The following SPART variants were observed in gnomAD, a reference collection of about 807,000 sequenced individuals.
SPART encodes spastic paraplegia 20 (Troyer syndrome).
A neutral mutation model predicts 58.7 loss-of-function variants in SPART; 35 were observed. The ratio of observed to expected loss-of-function variants is 0.60; its 90% CI spans 0.46 to 0.79. The LOEUF (loss-of-function observed/expected upper bound fraction) is 0.79, where lower values mean the gene tolerates loss of function less well. Ranked by LOEUF, SPART falls within the 30% of genes least tolerant of loss-of-function variation. SPART has a pLI of 0.00. For missense variants in SPART, 730 were observed against 786.1 expected, an observed-to-expected ratio of 0.93 and a Z score of 0.85; for synonymous variants, 284 against 280.7, an observed-to-expected ratio of 1.01 and a Z score of -0.12.
At chr13:36,361,002 C>G (rs1052970142) in intron 1 of SPART, among the ~76,000 whole-genome samples, 1 of 152,148 alleles carries the variant, frequency 6.6e-6, no homozygotes, top group Non-Finnish European at 1.5e-5. Flanking sequence ...CATATTTCTC[C>G]AATACTCACA....
intron 1 of SPART, among the ~76,000 whole-genome samples, chr13:36,343,061 T>A (rs1593277412): frequency 6.6e-6 from 1 of 152,188 alleles, no homozygotes; most frequent in East Asian, 1.9e-4. Context: ...ACTCCCACTA[T>A]CCATTCCATT....
chr13:36,352,684 C>T (rs1301332769), intron 1 of SPART, among the ~76,000 whole-genome samples: 1 of 151,652 alleles, frequency 6.6e-6, no homozygotes. Flanking sequence ...GGTAGCCTCA[C>T]ACCTATAATC....
chr13:36,331,112 C>T (rs1209280967), intron 3 of SPART, among the ~76,000 whole-genome samples: 2 of 152,124 alleles, frequency 1.3e-5, no homozygotes, highest in African/African-American at 4.8e-5. Flanking sequence ...GTTATTATCC[C>T]CATTTTATAA....
chr13:36,330,068 C>G (rs910516289), intron 3 of SPART, among the ~76,000 whole-genome samples: 1 of 152,028 alleles, frequency 6.6e-6, no homozygotes, highest in East Asian at 1.9e-4. Flanking sequence ...ATACAAATAC[C>G]AAAAAATTAA....
At chr13:36,342,292 T>C (rs534034279) in intron 1 of SPART, among the ~76,000 whole-genome samples, 1 of 152,324 alleles carries the variant, frequency 6.6e-6, no homozygotes, top group East Asian at 1.9e-4. Context: ...TTGCAAGCAT[T>C]AATTGCCTTA....
At chr13:36,309,890 A>G (rs1300428494) in intron 8 of SPART, among the ~76,000 whole-genome samples, 2 of 152,220 alleles carry the variant, frequency 1.3e-5, no homozygotes, top group African/African-American at 4.8e-5. Flanking sequence ...AATAGTTGAA[A>G]TTATAAAAAA....
intron 1 of SPART, among the ~76,000 whole-genome samples, chr13:36,338,594 C>T (rs942510523): frequency 3.9e-5 from 6 of 152,234 alleles, no homozygotes; most frequent in African/African-American, 1.2e-4. Context: ...TTCTCTACAG[C>T]CCTGAAAGAC....
chr13:36,323,626 T>C (rs1013933881), intron 5 of SPART, among the ~76,000 whole-genome samples: 3 of 152,330 alleles, frequency 2.0e-5, no homozygotes, highest in South Asian at 2.1e-4. Flanking sequence ...CAGGTAACAA[T>C]AGTCTCTTGA....
chr13:36,339,232 G>A (rs942029524), intron 1 of SPART, among the ~76,000 whole-genome samples: 7 of 151,880 alleles, frequency 4.6e-5, no homozygotes, highest in African/African-American at 1.7e-4. Context: ...TATTTAAAAC[G>A]CAGGAAGGAA....
At chr13:36,325,183 G>A (rs1359231186) in intron 5 of SPART, among the ~76,000 whole-genome samples, 1 of 152,174 alleles carries the variant, frequency 6.6e-6, no homozygotes, top group Non-Finnish European at 1.5e-5. Flanking sequence ...GTGTGTTGGG[G>A]TAACAAGCAA....
At chr13:36,365,150 C>G (rs998224251) in intron 1 of SPART, among the ~76,000 whole-genome samples, 2 of 152,156 alleles carry the variant, frequency 1.3e-5, no homozygotes, top group Non-Finnish European at 2.9e-5. Context: ...CTCCTCCCAT[C>G]TCCTCTACAC....
Position 36,326,612 on chromosome 13 carries a change from A to T in SPART, c.1251T>A (p.Pro417=). ...TGTGAGCCACTTTTTCACTCCATTC[A>T]GGTAATTCTTTTGGCTTTTCTTCTG... is the stretch of plus-strand genomic sequence containing the variant. ...PVPEEKPKEL[P]EWSEKVAHNI... The change falls in exon 5 of 9, where the codon CCT becomes CCA. Residue 417 remains proline (P), a synonymous_variant. Coordinates refer to ENST00000438666, the MANE Select transcript of SPART (RefSeq NM_015087.5). 1.2e-6 allele frequency: 2 copies of T among 1,613,608 alleles called. No individual in the cohort carries two copies. Among genetic ancestry groups the T allele is most frequent in the Non-Finnish European group, 1.7e-6 (2 of 1,179,874 alleles).
At chr13:36,326,852 T>C (rs1301534120) in intron 4 of SPART, among the ~76,000 whole-genome samples, 154 bp from the exon 5 acceptor site, 1 of 151,924 alleles carries the variant, frequency 6.6e-6, no homozygotes, top group Non-Finnish European at 1.5e-5. Context: ...TCTTATAAAG[T>C]ACAATACCAG....
At chr13:36,327,403 A>C (rs1337397898) in intron 4 of SPART, among the ~76,000 whole-genome samples, 2 of 152,254 alleles carry the variant, frequency 1.3e-5, no homozygotes, top group Non-Finnish European at 2.9e-5. Context: ...AACAACATTA[A>C]ACAAAACAAC....
chr13:36,342,618 A>AT, intron 1 of SPART, among the ~76,000 whole-genome samples: 1 of 152,230 alleles, frequency 6.6e-6, no homozygotes, highest in South Asian at 2.1e-4. Context: ...ACCACCCCTC[A>AT]TCCCGGTTGT....
chr13:36,359,900 C>CA (rs1468483726), intron 1 of SPART, among the ~76,000 whole-genome samples: 2 of 117,122 alleles, frequency 1.7e-5, no homozygotes, highest in African/African-American at 6.8e-5. Flanking sequence ...GAACACTAAA[C>CA]ACTATGTAAG....
chr13:36,340,513 T>C (rs1465943570), intron 1 of SPART, among the ~76,000 whole-genome samples: 2 of 152,064 alleles, frequency 1.3e-5, no homozygotes, highest in South Asian at 2.1e-4. Flanking sequence ...AAGGAACTTC[T>C]TAAAGGCAAC....
intron 1 of SPART, among the ~76,000 whole-genome samples, chr13:36,361,150 A>T (rs1191729788): frequency 1.3e-5 from 2 of 152,230 alleles, no homozygotes; most frequent in Non-Finnish European, 2.9e-5. Flanking sequence ...CAACTTATAT[A>T]CATGTTTTTA....
At chr13:36,328,016 G>C (rs1702604225) in intron 4 of SPART, among the ~76,000 whole-genome samples, 1 of 152,118 alleles carries the variant, frequency 6.6e-6, no homozygotes, top group African/African-American at 2.4e-5. Context: ...GACAGGGGAA[G>C]ATTATGTGTC....
Sources: allele counts gnomAD v4.1 joint callset (sites outside exome capture counted in the v4.1 genomes callset), GRCh38; gene constraint gnomAD v4.1.1; transcripts MANE v1.5; gene names NCBI Gene and HGNC (gene_info 2026-07-23, HGNC 2026-07-21).